Variants in ZNF786 observed in about 807,000 individuals in gnomAD.
ZNF786 encodes zinc finger protein 786.
Under a neutral mutation model 63.1 loss-of-function variants are expected in ZNF786, and 56 were observed. The observed-to-expected ratio is 0.89, with a 90% CI of 0.72 to 1.11. The LOEUF (loss-of-function observed/expected upper bound fraction) is 1.11, where lower values mean the gene tolerates loss of function less well. Ranked by LOEUF, ZNF786 falls within the 50% of genes least tolerant of loss-of-function variation. ZNF786 has a pLI of 0.00. For missense variants in ZNF786, 1,213 were observed against 1,041.8 expected (o/e 1.16, Z -2.26); for synonymous variants, 485 against 406.9 (o/e 1.19, Z -2.31).
intron 3 of ZNF786, among the ~76,000 whole-genome samples, chr7:149,073,724 CGTGTGTGTGTGT>C (rs375323153): frequency 2.9e-5 from 2 of 67,874 alleles, no homozygotes; most frequent in African/African-American, 9.0e-5. Context: ...TATATGTGTG[CGTGTGTGTGTGT>C]GTGTGTGTGT....
At chr7:149,077,874 T>C (rs1313186435) in intron 2 of ZNF786, among the ~76,000 whole-genome samples, 1 of 151,580 alleles carries the variant, frequency 6.6e-6, no homozygotes, top group Non-Finnish European at 1.5e-5. Flanking sequence ...TGTCTTTTTT[T>C]TTTTTTTTGA....
intron 2 of ZNF786, among the ~76,000 whole-genome samples, 170 bp from the exon 3 acceptor site, chr7:149,074,708 C>T (rs1825512021): frequency 6.6e-6 from 1 of 151,566 alleles, no homozygotes; most frequent in Non-Finnish European, 1.5e-5. Context: ...CTAACAATGC[C>T]TCCTAGTCTG....
chr7:149,071,005 C>T lies in ZNF786; in HGVS notation c.1767G>A (p.Gly589=). The change falls in exon 4 of 4, where the codon GGG becomes GGA. Residue 589 remains glycine, a synonymous_variant. Transcript: ENST00000491431. ...KLTEHLRVHS[G]ERPFQCPECN... ...ACTCTGGGCACTGGAAGGGTCTCTC[C>T]CCGCTGTGCACGCGCAAGTGCTCCG... is the stretch of plus-strand genomic sequence containing the variant. The T allele has an allele frequency of 3.7e-6, 6 of 1,612,888 alleles. 1 individual carries two copies. In the South Asian group the frequency reaches 6.6e-5, roughly 18 times the overall value.
At position 149,072,292 on chromosome 7, in the gene ZNF786, G is replaced by T; in HGVS notation, c.480C>A (p.Thr160=). The change falls in exon 4 of 4, where the codon ACC becomes ACA. Residue 160 remains threonine (T), a synonymous_variant. Coordinates refer to ENST00000491431, the MANE Select transcript of ZNF786 (RefSeq NM_152411.4). ...PPLACGPSES[T]LKEGIPGPRN... ...TGGGACCTGGGATTCCTTCTTTTAG[G>T]GTAGATTCACTGGGGCCGCAGGCTA... 1 of 1,613,752 alleles carries T rather than the reference G, an allele frequency of 6.2e-7. No individual in the cohort carries two copies. Among genetic ancestry groups the T allele is most frequent in the Non-Finnish European group, 8.5e-7 (1 of 1,179,814 alleles).
intron 1 of ZNF786, among the ~76,000 whole-genome samples, chr7:149,085,641 G>GTA (rs1483539140): frequency 6.6e-6 from 1 of 152,144 alleles, no homozygotes; most frequent in African/African-American, 2.4e-5. Context: ...ATTGTCATTG[G>GTA]TAGTTTGATA....
rs759109941 is a variant in ZNF786 at position 149,071,284 on chromosome 7, C to G, written c.1488G>C (p.Leu496=). Residue 496 remains leucine (L), a synonymous_variant, in exon 4 of 4, where the codon CTG becomes CTC. Coordinates refer to ENST00000491431, the MANE Select transcript of ZNF786 (RefSeq NM_152411.4). Reference sequence around the variant, plus strand: ...CACCGTGCCGGAGCCGGTGGGCTCTCAGCATGCTCTCCAGGCGGAAGCTCA... The same window carrying G: ...CACCGTGCCGGAGCCGGTGGGCTCTGAGCATGCTCTCCAGGCGGAAGCTCA... ...CGLSFRLESM[L]RAHRLRHGGE... is the part of the protein sequence containing the mutation. 6 of 1,613,134 alleles carry G rather than the reference C, an allele frequency of 3.7e-6. No homozygotes were observed. Among genetic ancestry groups the G allele is most frequent in the South Asian group, 3.3e-5 (3 of 91,074 alleles).
At chr7:149,078,959 T>G (rs1360925215) in intron 2 of ZNF786, among the ~76,000 whole-genome samples, 4 of 152,198 alleles carry the variant, frequency 2.6e-5, no homozygotes, top group East Asian at 1.9e-4. Context: ...ATTGTATAAG[T>G]GAACTAATGC....
chr7:149,079,078 A>C (rs1262043625), intron 2 of ZNF786, among the ~76,000 whole-genome samples: 1 of 152,186 alleles, frequency 6.6e-6, no homozygotes, highest in East Asian at 1.9e-4. Context: ...AATGGTTAAA[A>C]GTGGTTGCCC....
chr7:149,072,171 G>A lies in ZNF786; in HGVS notation c.601C>T (p.His201Tyr). Residue 201 changes from histidine (H) to tyrosine (Y), a missense_variant, in exon 4 of 4, where the codon CAT becomes TAT. His to Tyr is a moderately conservative substitution (Grantham distance 83). Transcript: ENST00000491431. Reference sequence around the variant, plus strand: ...TGGCCTCTCTGGTGCATTACTAAATGGTTGTTCTCCCAACAGCTTTCCCCG... The same window carrying A: ...TGGCCTCTCTGGTGCATTACTAAATAGTTGTTCTCCCAACAGCTTTCCCCG... ...VCGESCWENNHLVMHQRGHSK... is the reference protein window; with the variant it reads ...VCGESCWENNYLVMHQRGHSK... The A allele has an allele frequency of 2.5e-6, 4 of 1,613,300 alleles. No individual in the cohort carries two copies. The highest frequency in any genetic ancestry group is 3.4e-6 in the Non-Finnish European group (4 of 1,179,756).
chr7:149,086,908 C>T (rs191887713), intron 1 of ZNF786, among the ~76,000 whole-genome samples: 88 of 151,644 alleles, frequency 5.8e-4, no homozygotes, highest in African/African-American at 2.0e-3. Context: ...TGCAGTGGCA[C>T]GATCTCAGCT....
intron 1 of ZNF786, among the ~76,000 whole-genome samples, chr7:149,085,429 A>C (rs117465518): frequency 5.3e-4 from 81 of 152,302 alleles, no homozygotes; most frequent in Non-Finnish European, 1.0e-3. Context: ...AAATGCACAA[A>C]AATTAGCAGG....
chr7:149,072,553 G>C (rs956564754), intron 3 of ZNF786, 80 bp from the exon 4 acceptor site: 13 of 1,445,260 alleles, frequency 9.0e-6, no homozygotes, highest in Middle Eastern at 2.0e-4. Flanking sequence ...TGACCCACAA[G>C]AGTGCCTTGT....
chr7:149,080,631 C>T lies in ZNF786; in HGVS notation c.105G>A (p.Lys35=). ...TCTCATAATTGCTTCTCATCACATG[C>T]TTGTAAAGTTCCTTCTGCCATGCCT... ...DLEAWQKELY[K]HVMRSNYETL... Residue 35 remains lysine, a synonymous_variant, in exon 2 of 4, where the codon AAG becomes AAA. Coordinates refer to ENST00000491431, the MANE Select transcript of ZNF786 (RefSeq NM_152411.4). 1 of 1,612,860 alleles carries T rather than the reference C, an allele frequency of 6.2e-7. No homozygotes were observed. Among genetic ancestry groups the T allele is most frequent in the Non-Finnish European group, 8.5e-7 (1 of 1,179,662 alleles).
At chr7:149,088,489 TA>T (rs1585472533) in intron 1 of ZNF786, among the ~76,000 whole-genome samples, 1 of 152,246 alleles carries the variant, frequency 6.6e-6, no homozygotes, top group East Asian at 1.9e-4. Context: ...CTATGATTTT[TA>T]GAAATGCATA....
Position 149,072,393 on chromosome 7 carries a change from AG to A in ZNF786, c.378del (p.Phe127LeufsTer26). The A allele has an allele frequency of 5.0e-6, 8 of 1,612,888 alleles. No individual in the cohort carries two copies. The highest frequency in any genetic ancestry group is 6.8e-6 in the Non-Finnish European group (8 of 1,179,464). On this transcript the variant is annotated frameshift_variant, in exon 4 of 4. Transcript: ENST00000491431. LOFTEE classifies it high-confidence loss of function. The stretch of plus-strand genomic sequence containing the variant: ...CCTTGGTCAGGCCTGAAGGAAACAA[AG>A]GATCCAAAGGAACACTGGCTTTCAG... ...LDPESQCSFG[S>X]FVSFRPDQGI...
At chr7:149,073,726 T>C (rs867690170) in intron 3 of ZNF786, among the ~76,000 whole-genome samples, 5 of 52,504 alleles carry the variant, frequency 9.5e-5, no homozygotes, top group African/African-American at 3.9e-4. Context: ...TATGTGTGCG[T>C]GTGTGTGTGT....
At chr7:149,076,977 C>G (rs894354129) in intron 2 of ZNF786, among the ~76,000 whole-genome samples, 1 of 152,190 alleles carries the variant, frequency 6.6e-6, no homozygotes, top group African/African-American at 2.4e-5. Context: ...TTCAACTTTA[C>G]TGTATGTTAC....
intron 2 of ZNF786, among the ~76,000 whole-genome samples, chr7:149,076,727 A>C (rs2129515398): frequency 1.3e-5 from 2 of 151,812 alleles, no homozygotes; most frequent in South Asian, 2.1e-4. Flanking sequence ...TTGAAAAAAA[A>C]AAAAAAAAAA....
intron 3 of ZNF786, among the ~76,000 whole-genome samples, chr7:149,073,402 G>A (rs1825467802): frequency 6.6e-6 from 1 of 151,878 alleles, no homozygotes; most frequent in Non-Finnish European, 1.5e-5. Flanking sequence ...GATAACCATG[G>A]GCCAGGCATG....
Sources: gnomAD v4.1 joint callset for allele counts (sites outside exome capture counted in the v4.1 genomes callset) on GRCh38, gnomAD v4.1.1 for gene constraint, MANE v1.5 for transcripts, NCBI Gene and HGNC (gene_info 2026-07-23, HGNC 2026-07-21) for gene names.